Variants in CPNE4 observed in about 807,000 individuals in gnomAD.
The protein encoded by CPNE4 is copine-4.
Under a neutral mutation model 67.9 loss-of-function variants are expected in CPNE4, and 25 were observed. The observed-to-expected ratio is 0.37, with a 90% CI of 0.27 to 0.51. The LOEUF (loss-of-function observed/expected upper bound fraction) is 0.51, where lower values mean the gene tolerates loss of function less well. CPNE4 is among the 20% of genes least tolerant of loss of function. The pLI is 0.93. For missense variants in CPNE4, 464 were observed against 690.8 expected (o/e 0.67, Z 3.68); for synonymous variants, 242 against 244.9 (o/e 0.99, Z 0.11).
chr3:131,890,236 T>C (rs1006668477), intron 2 of CPNE4, among the ~76,000 whole-genome samples: 1 of 151,848 alleles, frequency 6.6e-6, no homozygotes, highest in Admixed American at 6.6e-5. Context: ...TAAAACACAA[T>C]AGTAAAAACA....
intron 2 of CPNE4, among the ~76,000 whole-genome samples, chr3:131,896,389 C>G (rs1017990629): frequency 2.6e-5 from 4 of 151,862 alleles, no homozygotes; most frequent in Non-Finnish European, 4.4e-5. Flanking sequence ...TTCTTTAAAC[C>G]AATACTATTA....
chr3:131,586,054 A>T (rs962254806), intron 8 of CPNE4, among the ~76,000 whole-genome samples: 1 of 151,334 alleles, frequency 6.6e-6, no homozygotes, highest in Non-Finnish European at 1.5e-5. Context: ...ATGTTAGTTC[A>T]TTTCCATCCA....
chr3:132,013,908 C>T (rs1348573885), intron 1 of CPNE4, among the ~76,000 whole-genome samples: 3 of 152,102 alleles, frequency 2.0e-5, no homozygotes, highest in Admixed American at 2.0e-4. Context: ...GTCCTAACTT[C>T]TGTATAATGC....
chr3:131,948,379 C>T (rs887118789), intron 1 of CPNE4, among the ~76,000 whole-genome samples: 6 of 152,164 alleles, frequency 3.9e-5, no homozygotes, highest in African/African-American at 1.4e-4. Flanking sequence ...TGTCTGCTTC[C>T]CCTTTGCCTT....
chr3:131,761,254 C>T (rs2082883835), intron 2 of CPNE4, among the ~76,000 whole-genome samples: 2 of 145,564 alleles, frequency 1.4e-5, no homozygotes, highest in South Asian at 2.2e-4. Context: ...CTGGCTCTGT[C>T]CCCTGAGCTT....
chr3:132,018,489 G>A (rs1190324325), intron 1 of CPNE4, among the ~76,000 whole-genome samples: 1 of 152,210 alleles, frequency 6.6e-6, no homozygotes. Flanking sequence ...GCATTTTCTA[G>A]AATTAACCTA....
At chr3:131,836,076 G>T (rs140065956) in intron 2 of CPNE4, among the ~76,000 whole-genome samples, 31 of 152,254 alleles carry the variant, frequency 2.0e-4, no homozygotes, top group Admixed American at 8.5e-4. Flanking sequence ...ATGAATTATG[G>T]CATGAAATAT....
At chr3:131,751,923 G>A (rs1243063309) in intron 2 of CPNE4, among the ~76,000 whole-genome samples, 1 of 151,958 alleles carries the variant, frequency 6.6e-6, no homozygotes, top group East Asian at 1.9e-4. Flanking sequence ...ATTACTGCTG[G>A]GCAGGAATGG....
intron 4 of CPNE4, 137 bp downstream of exon 4, chr3:131,699,772 G>A (rs1395032491): frequency 4.0e-5 from 19 of 480,920 alleles, no homozygotes; most frequent in Non-Finnish European, 7.1e-5. Context: ...AAATAAGGGA[G>A]TGATTTCAAT....
Position 131,743,395 on chromosome 3 carries a change from G to A in CPNE4, c.181-19770C>T, listed in dbSNP as rs574744761. Among the ~76,000 whole-genome samples the A allele has an allele frequency of 1.2e-3, 178 of 152,260 alleles. 2 individuals carry two copies. Among genetic ancestry groups the A allele is most frequent in the African/African-American group, 4.2e-3 (175 of 41,554 alleles). ...TCAGCTGCTCCAGGCCACACAGAAA[G>A]CTAGACAGCTCACCAATTAATTTCA... On this transcript the variant is annotated intron_variant, in intron 2 of 15. Transcript: ENST00000429747.
At chr3:131,682,838 A>T (rs962574343) in intron 6 of CPNE4, among the ~76,000 whole-genome samples, 1 of 151,958 alleles carries the variant, frequency 6.6e-6, no homozygotes, top group Non-Finnish European at 1.5e-5. Flanking sequence ...TTGAGCTAGT[A>T]CCCAAGCCAT....
At chr3:131,611,686 T>C (rs891722443) in intron 7 of CPNE4, among the ~76,000 whole-genome samples, 1 of 151,832 alleles carries the variant, frequency 6.6e-6, no homozygotes, top group African/African-American at 2.4e-5. Flanking sequence ...TCCCCATTCA[T>C]AATTGTTTTC....
chr3:131,816,402 A>G (rs1206605375), intron 2 of CPNE4, among the ~76,000 whole-genome samples: 2 of 152,138 alleles, frequency 1.3e-5, no homozygotes, highest in Non-Finnish European at 2.9e-5. Flanking sequence ...CATTTTGAAA[A>G]GTTTAAAATG....
At position 131,581,676 on chromosome 3, in the gene CPNE4, G is replaced by A; in HGVS notation, c.781-11C>T. 1 of 1,592,348 alleles carries A rather than the reference G, an allele frequency of 6.3e-7. No individual in the cohort carries two copies. Among genetic ancestry groups the A allele is most frequent in the Non-Finnish European group, 8.6e-7 (1 of 1,160,204 alleles). On this transcript the variant is annotated splice_polypyrimidine_tract_variant and intron_variant, in intron 8 of 15. Transcript: ENST00000429747. ...GCACTCCCACTGCACCTGAAAGAAG[G>A]GTCATAGCATGAGAATCTGTTCAGG... is the stretch of plus-strand genomic sequence containing the variant.
intron 2 of CPNE4, among the ~76,000 whole-genome samples, chr3:131,781,647 A>T (rs915546085): frequency 6.6e-6 from 1 of 152,238 alleles, no homozygotes; most frequent in African/African-American, 2.4e-5. Flanking sequence ...AGGCCACAAA[A>T]GTGTAAACTC....
chr3:131,830,902 G>A (rs548449419), intron 2 of CPNE4, among the ~76,000 whole-genome samples: 6 of 152,098 alleles, frequency 3.9e-5, no homozygotes, highest in African/African-American at 1.4e-4. Context: ...AGGTAAAAAG[G>A]TACAAGGTAC....
intron 2 of CPNE4, among the ~76,000 whole-genome samples, chr3:131,874,943 A>G (rs1283868956): frequency 1.3e-5 from 2 of 152,228 alleles, no homozygotes; most frequent in Non-Finnish European, 2.9e-5. Flanking sequence ...AGATCTCTAC[A>G]CTGACATTTA....
At position 131,844,276 on chromosome 3, in the gene CPNE4, T is replaced by C. The variant is rs889428240; in HGVS notation, c.180+60988A>G. 5.3e-3 allele frequency among the ~76,000 whole-genome samples: 796 copies of C among 149,758 alleles called. 9 individuals are homozygous for C. The highest frequency in any genetic ancestry group is 0.019 in the African/African-American group (756 of 40,080). On this transcript the variant is annotated intron_variant, in intron 2 of 15. Coordinates refer to ENST00000429747, the MANE Select transcript of CPNE4 (RefSeq NM_130808.3). ...TGTATGTTCTTTTTTTTTTTTTTTT[T>C]CCGAGATGGAGTCTCGCTCCGTCAC...
chr3:131,772,759 T>C (rs1370976428), intron 2 of CPNE4, among the ~76,000 whole-genome samples: 1 of 152,118 alleles, frequency 6.6e-6, no homozygotes, highest in Non-Finnish European at 1.5e-5. Context: ...CTGTTGGTGT[T>C]TTGCCCCTTC....
Sources: allele counts gnomAD v4.1 joint callset (sites outside exome capture counted in the v4.1 genomes callset), GRCh38; gene constraint gnomAD v4.1.1; transcripts MANE v1.5; gene names NCBI Gene and HGNC (gene_info 2026-07-23, HGNC 2026-07-21).